Variants in ZFYVE26 observed in about 807,000 individuals in gnomAD.
ZFYVE26 encodes zinc finger FYVE-type containing 26.
ZFYVE26 carries 181 observed loss-of-function variants against 276.5 expected under a neutral mutation model. The ratio of observed to expected loss-of-function variants is 0.65; its 90% CI spans 0.58 to 0.74. The LOEUF (loss-of-function observed/expected upper bound fraction) is 0.74. Ranked by LOEUF, ZFYVE26 falls within the 30% of genes least tolerant of loss-of-function variation. The pLI, the probability that ZFYVE26 is intolerant of heterozygous loss-of-function variation, is 0.00. For missense variants in ZFYVE26, 2,821 were observed against 3,097.9 expected, an observed-to-expected ratio of 0.91 and a Z score of 2.12; for synonymous variants, 1,129 against 1,203.1, an observed-to-expected ratio of 0.94 and a Z score of 1.27.
exon 14 of ZFYVE26, chr14:67,729,602 C>T (rs994316119): frequency 9.5e-6 from 6 of 632,390 alleles, no homozygotes; most frequent in Middle Eastern, 3.0e-4. Flanking sequence ...ACTCGTGTGC[C>T]GCTTTTCCAT....
At position 67,809,209 on chromosome 14, in the gene ZFYVE26, G is replaced by A. The variant is rs2040243048; in HGVS notation, c.354C>T (p.Asn118=). The change falls in exon 4 of 42, where the codon AAC becomes AAT. Residue 118 remains asparagine (N), a synonymous_variant. Transcript: ENST00000347230. ...CAGGGCTCTCTCTCACCTCGAGGATGTTCTCTGGAATGTCACCTTGGAGGT... is the reference window on the plus strand; with the variant it reads ...CAGGGCTCTCTCTCACCTCGAGGATATTCTCTGGAATGTCACCTTGGAGGT... ...SEDLQGDIPE[N]ILEELYETLT... The A allele has an allele frequency of 1.9e-6, 3 of 1,613,968 alleles. No individual in the cohort carries two copies. The highest frequency in any genetic ancestry group is 1.1e-5 in the South Asian group (1 of 91,082).
intron 15 of ZFYVE26, 37 bp downstream of exon 15, chr14:67,790,535 C>T (rs1471565231): frequency 6.2e-7 from 1 of 1,608,584 alleles, no homozygotes; most frequent in African/African-American, 1.3e-5. Flanking sequence ...CTCTCCCAGC[C>T]ACCTCACCAC....
chr14:67,748,613 T>C lies in ZFYVE26; in HGVS notation c.7443A>G (p.Lys2481=). ...CAGCAATCAAGTAGGCAGAACGCAGTTTGCAACATATCAGGTAGGCCCGAA... is the reference window on the plus strand; with the variant it reads ...CAGCAATCAAGTAGGCAGAACGCAGCTTGCAACATATCAGGTAGGCCCGAA... ...NKVRAYLICC[K]LRSAYLIAVK... The change falls in exon 42 of 42, where the codon AAA becomes AAG. Residue 2481 remains lysine, a synonymous_variant. Coordinates refer to ENST00000347230, the MANE Select transcript of ZFYVE26 (RefSeq NM_015346.4). 6.2e-7 allele frequency: 1 copy of C among 1,614,098 alleles called. No homozygotes were observed. Among genetic ancestry groups the C allele is most frequent in the South Asian group, 1.1e-5 (1 of 91,082 alleles).
chr14:67,793,456 T>C, intron 14 of ZFYVE26, 152 bp downstream of exon 14: 1 of 803,988 alleles, frequency 1.2e-6, no homozygotes, highest in Non-Finnish European at 2.1e-6. Context: ...TGCTGAAGAC[T>C]GGGCCTGGGC....
chr14:67,798,386 G>T lies in ZFYVE26; in HGVS notation c.1876C>A (p.Pro626Thr). ...GAACCCCGTTCTGACTTCCTTTCAGGATGTGCTATGTGCTGAGGGCTCTCT... is the reference window on the plus strand; with the variant it reads ...GAACCCCGTTCTGACTTCCTTTCAGTATGTGCTATGTGCTGAGGGCTCTCT... The part of the protein sequence containing the change: ...PSESPQHIAH[P>T]ERKSERGSLG... The change falls in exon 11 of 42, where the codon CCT becomes ACT. Residue 626 changes from proline to threonine, a missense_variant. Pro to Thr is a conservative substitution (Grantham distance 38). Transcript: ENST00000347230. 6.2e-7 allele frequency: 1 copy of T among 1,610,908 alleles called. No homozygotes were observed. The highest frequency in any genetic ancestry group is 8.5e-7 in the Non-Finnish European group (1 of 1,178,010).
chr14:67,775,113 A>G lies in ZFYVE26; in HGVS notation c.5223T>C (p.Asp1741=). The change falls in exon 27 of 42, where the codon GAT becomes GAC. Residue 1741 remains aspartate, a splice_region_variant and synonymous_variant. Coordinates refer to ENST00000347230, the MANE Select transcript of ZFYVE26 (RefSeq NM_015346.4). The stretch of plus-strand genomic sequence containing the variant: ...CAATTTCTTGGAGGTGAATCACAGA[A>G]TCTGTAGAGAGGGAAAATGCTGACA... The part of the protein sequence containing the change: ...FPYPQREKRS[D]SVIHLQEIVH... 1 of 1,604,024 alleles carries G rather than the reference A, an allele frequency of 6.2e-7. No homozygotes were observed. The highest frequency in any genetic ancestry group is 8.5e-7 in the Non-Finnish European group (1 of 1,173,822).
At chr14:67,792,644 G>A (rs139273817) in intron 14 of ZFYVE26, among the ~76,000 whole-genome samples, 3 of 152,162 alleles carry the variant, frequency 2.0e-5, no homozygotes, top group Admixed American at 6.5e-5. Flanking sequence ...GGGCGCAATG[G>A]CTCATGCCTG....
chr14:67,735,779 C>A (rs1024278969), intron 13 of ZFYVE26, among the ~76,000 whole-genome samples: 5 of 152,200 alleles, frequency 3.3e-5, no homozygotes, highest in African/African-American at 1.2e-4. Context: ...TTTCTTTTGG[C>A]TCAGCTGAGA....
At chr14:67,788,925 G>A (rs1566886966) in intron 16 of ZFYVE26, among the ~76,000 whole-genome samples, 1 of 152,102 alleles carries the variant, frequency 6.6e-6, no homozygotes, top group Non-Finnish European at 1.5e-5. Context: ...TGCACATTCT[G>A]CACTGTTATT....
In ZFYVE26 at chr14:67,807,817, A is replaced by G. The variant is rs750974953; in HGVS notation, c.467T>C (p.Val156Ala). 1.3e-5 allele frequency: 21 copies of G among 1,613,928 alleles called. No individual in the cohort carries two copies. Among genetic ancestry groups the G allele is most frequent in the East Asian group, 2.2e-5 (1 of 44,884 alleles). Reference protein sequence around the residue: ...TPRLSSEAVSVLWDLLRQSPQ... With the variant: ...TPRLSSEAVSALWDLLRQSPQ... ...AGACTGCCTCAGGAGATCCCAGAGC[A>G]CAGAGACAGCTTCGGAGCTGAGACG... Residue 156 changes from valine to alanine, a missense_variant, in exon 5 of 42, where the codon GTG (valine) becomes GCG (alanine). Coordinates refer to ENST00000347230, the MANE Select transcript of ZFYVE26 (RefSeq NM_015346.4).
In ZFYVE26 at chr14:67,756,120, T is replaced by C. The variant is rs761940980; in HGVS notation, c.6614A>G (p.Glu2205Gly). The C allele has an allele frequency of 6.2e-6, 10 of 1,614,146 alleles. No homozygotes were observed. Among genetic ancestry groups the C allele is most frequent in the Non-Finnish European group, 8.5e-6 (10 of 1,180,016 alleles). ...TTTATAGCTTGGTTGGAAAATGCCT[T>C]CTATAAAAACTTCTGGAGGACTCTC... is the stretch of plus-strand genomic sequence containing the variant. Reference protein sequence around the residue: ...NKESPPEVFIEGIFQPSYKSG... With the variant: ...NKESPPEVFIGGIFQPSYKSG... The change falls in exon 36 of 42, where the codon GAA becomes GGA. Residue 2205 changes from glutamate (E) to glycine (G), a missense_variant. Physicochemically the swap from Glu to Gly is moderately conservative, Grantham distance 98. Coordinates refer to ENST00000347230, the MANE Select transcript of ZFYVE26 (RefSeq NM_015346.4).
chr14:67,763,364 C>T (rs968530978), intron 32 of ZFYVE26, among the ~76,000 whole-genome samples: 4 of 152,188 alleles, frequency 2.6e-5, no homozygotes, highest in Admixed American at 2.6e-4. Flanking sequence ...AATGGATATA[C>T]AGTCATGTGC....
At chr14:67,775,596 A>G (rs1404316757) in intron 26 of ZFYVE26, among the ~76,000 whole-genome samples, 2 of 152,226 alleles carry the variant, frequency 1.3e-5, no homozygotes, top group Non-Finnish European at 2.9e-5. Flanking sequence ...CCAGACAGAG[A>G]CCATTTCCAG....
chr14:67,754,676 A>C (rs2038732489), intron 37 of ZFYVE26, among the ~76,000 whole-genome samples: 1 of 152,214 alleles, frequency 6.6e-6, no homozygotes, highest in Admixed American at 6.5e-5. Context: ...AAAAGCTGAG[A>C]GGAATTAAGG....
chr14:67,760,614 G>A (rs181238314), intron 35 of ZFYVE26, among the ~76,000 whole-genome samples: 16 of 152,334 alleles, frequency 1.1e-4, no homozygotes, highest in Admixed American at 1.0e-3. Context: ...TGTAGTCCCA[G>A]CTACTCAGTA....
chr14:67,767,964 C>T lies in ZFYVE26; in HGVS notation c.5654-124G>A. The T allele has an allele frequency of 2.2e-6, 3 of 1,363,944 alleles. No individual in the cohort carries two copies. The Admixed American group carries it at 5.5e-5, about 25-fold the overall frequency. The allele number at this position is 1,363,944 out of a possible 1,614,324, so 84.5% of individuals were successfully genotyped here. ...GCTATCTCAGGGCCCCTTTCTCTCT[C>T]CTTGGTTCCTTTTGTTTGCTTTAGG... On this transcript the variant is annotated intron_variant, in intron 30 of 41. Transcript: ENST00000347230.
rs1208106488 is a variant in ZFYVE26 at position 67,786,181 on chromosome 14, T to C, written c.3072A>G (p.Pro1024=). The C allele has an allele frequency of 6.8e-6, 11 of 1,609,398 alleles. No homozygotes were observed. Among genetic ancestry groups the C allele is most frequent in the Non-Finnish European group, 9.3e-6 (11 of 1,179,440 alleles). ...LLNADGIRGF[P]VVLQQISKSL... is the part of the protein sequence containing the mutation. ...TCTTACTGATTTGCTGAAGAACAAC[T>C]GGAAAACCTCGAATGCCATCAGCAT... The change falls in exon 17 of 42, where the codon CCA becomes CCG. Residue 1024 remains proline (P), a synonymous_variant. Coordinates refer to ENST00000347230, the MANE Select transcript of ZFYVE26 (RefSeq NM_015346.4).
chr14:67,751,423 G>A (rs1446274926), intron 40 of ZFYVE26: 6 of 437,548 alleles, frequency 1.4e-5, no homozygotes. Flanking sequence ...CAAGCACTAA[G>A]TTCTCACACT....
At chr14:67,730,435 C>T (rs533077230) in intron 13 of ZFYVE26, among the ~76,000 whole-genome samples, 1 of 152,178 alleles carries the variant, frequency 6.6e-6, no homozygotes, top group South Asian at 2.1e-4. Flanking sequence ...ATTCGGAGTC[C>T]GGAATATTTC....
Sources: gnomAD v4.1 joint callset for allele counts (sites outside exome capture counted in the v4.1 genomes callset) on GRCh38, gnomAD v4.1.1 for gene constraint, MANE v1.5 for transcripts, NCBI Gene and HGNC (gene_info 2026-07-23, HGNC 2026-07-21) for gene names.